ADCY3: variants seen among roughly 807,000 people sequenced by gnomAD.
ADCY3 encodes adenylate cyclase 3.
A neutral mutation model predicts 119.4 loss-of-function variants in ADCY3; 70 were observed. The observed-to-expected ratio is 0.59, with a 90% CI of 0.48 to 0.72. The LOEUF (loss-of-function observed/expected upper bound fraction) is 0.72, where lower values mean the gene tolerates loss of function less well. Among genes scored for constraint, ADCY3 ranks in the 30% least tolerant of loss-of-function variants. The pLI is 0.00. For missense variants in ADCY3, 1,238 were observed against 1,541.6 expected (o/e 0.80, Z 3.30); for synonymous variants, 672 against 621.4 (o/e 1.08, Z -1.21).
At chr2:24,868,755 G>A (rs1016846968) in intron 3 of ADCY3, among the ~76,000 whole-genome samples, 6 of 152,218 alleles carry the variant, frequency 3.9e-5, no homozygotes, top group Middle Eastern at 6.8e-3. Flanking sequence ...GGTGGCTCAC[G>A]CCTGTAATCC....
Position 24,834,417 on chromosome 2 carries a change from G to GCCCCCTCCCCCCC in ADCY3, c.1967+67_1967+68insGGGGGGGAGGGGG. Reference sequence around the variant, plus strand: ...ATGTCAGGCTCCCGCTGAGACACCTGCCCCCGCCCCCCGCCCGGCACCACC... The same window carrying GCCCCCTCCCCCCC: ...ATGTCAGGCTCCCGCTGAGACACCTGCCCCCTCCCCCCCCCCCCGCCCCCCGCCCGGCACCACC... On this transcript the variant is annotated intron_variant, in intron 11 of 21. Transcript: ENST00000679454. This position sits in a 1 kb window ranked among gnomAD's most constrained non-coding sequence, Gnocchi z 4.2. 7.2e-7 allele frequency: 1 copy of GCCCCCTCCCCCCC among 1,395,358 alleles called. No homozygotes were observed. The highest frequency in any genetic ancestry group is 9.7e-7 in the Non-Finnish European group (1 of 1,029,080). 86.4% of individuals were successfully genotyped at this position (1,395,358 alleles called of 1,614,324 possible).
chr2:24,888,058 T>C (rs1043773674), intron 2 of ADCY3, among the ~76,000 whole-genome samples: 2 of 152,226 alleles, frequency 1.3e-5, no homozygotes, highest in Admixed American at 1.3e-4. Flanking sequence ...GTGCTGACAT[T>C]CTAAGGCTCC....
intron 19 of ADCY3, 38 bp from the exon 20 acceptor site, chr2:24,821,678 C>T: frequency 6.2e-7 from 1 of 1,609,186 alleles, no homozygotes; most frequent in African/African-American, 1.3e-5. Flanking sequence ...TCAGGGGCCG[C>T]TCACTGCAGC....
chr2:24,844,608 A>G (rs1671457921), intron 3 of ADCY3, among the ~76,000 whole-genome samples: 1 of 152,200 alleles, frequency 6.6e-6, no homozygotes, highest in Non-Finnish European at 1.5e-5. Flanking sequence ...AGGTCCCCAG[A>G]GTCTGCTGTT....
Position 24,841,459 on chromosome 2 carries a change from A to C in ADCY3, c.1069-73T>G. On this transcript the variant is annotated intron_variant, in intron 5 of 21. Transcript: ENST00000679454. This position sits in a 1 kb window ranked among gnomAD's most constrained non-coding sequence, Gnocchi z 5.8. ...GAGGAGTGGCCAAGAAAGCAGAGGA[A>C]GGACAGTGGGAGAAAATCATGGGGC... The C allele has an allele frequency of 1.3e-6, 2 of 1,594,154 alleles. No individual in the cohort carries two copies. Among genetic ancestry groups the C allele is most frequent in the Non-Finnish European group, 1.7e-6 (2 of 1,168,646 alleles).
chr2:24,886,732 C>T (rs1479185558), intron 2 of ADCY3, among the ~76,000 whole-genome samples: 7 of 152,250 alleles, frequency 4.6e-5, no homozygotes, highest in Admixed American at 3.3e-4. Flanking sequence ...GAGCTGGTTC[C>T]GGGCGATGCC....
chr2:24,821,493 G>A (rs920321256), intron 20 of ADCY3, 24 bp downstream of exon 20: 1 of 1,612,568 alleles, frequency 6.2e-7, no homozygotes, highest in South Asian at 1.1e-5. Flanking sequence ...CCTGCTGCGG[G>A]GCAGGCCAGC....
chr2:24,819,969 G>C lies in ADCY3; in HGVS notation c.3398C>G (p.Ser1133Cys), dbSNP rs779807680. 6.2e-6 allele frequency: 10 copies of C among 1,613,814 alleles called. No homozygotes were observed. Among genetic ancestry groups the C allele is most frequent in the African/African-American group, 5.3e-5 (4 of 74,906 alleles). The change falls in exon 22 of 22, where the codon TCT (serine) becomes TGT (cysteine). Residue 1133 changes from serine to cysteine, a missense_variant. Physicochemically the swap from Ser to Cys is moderately radical, Grantham distance 112 (BLOSUM62 -1). Around this residue, in one of 7 missense-constraint regions of ADCY3, gnomAD observed 86 missense variants for 70.7 expected, o/e 1.22. Transcript: ENST00000679454. ...DKLATFPNGP[S>C]VTLPHQVVDN... ...CACCACCTGGTGGGGCAGTGTGACA[G>C]AGGGGCCATTGGGGAAGGTGGCTAG...
chr2:24,830,951 GA>G, intron 12 of ADCY3, 126 bp from the exon 13 acceptor site: 6 of 729,726 alleles, frequency 8.2e-6, no homozygotes, highest in Non-Finnish European at 1.2e-5. Flanking sequence ...CTCTGCCTGG[GA>G]GTCACCTGAC....
rs750597549 is a variant in ADCY3 at position 24,822,493 on chromosome 2, G to T, written c.3003+18C>A. The T allele has an allele frequency of 6.2e-7, 1 of 1,611,438 alleles. No homozygotes were observed. The highest frequency in any genetic ancestry group is 1.1e-5 in the South Asian group (1 of 91,010). ...TTGGGGGCAGAGCCTCATCTCTCTG[G>T]CTACTGGGGTTAGCTACCTTGTTGG... On this transcript the variant is annotated intron_variant, in intron 19 of 21. Transcript: ENST00000679454.
intron 2 of ADCY3, among the ~76,000 whole-genome samples, chr2:24,916,033 C>G (rs1014195983): frequency 2.0e-5 from 3 of 152,244 alleles, no homozygotes; most frequent in Non-Finnish European, 4.4e-5. Flanking sequence ...CCAATCGGAC[C>G]TTGAGAGCTC....
At chr2:24,859,971 G>A (rs1673439887) in intron 3 of ADCY3, among the ~76,000 whole-genome samples, 1 of 152,214 alleles carries the variant, frequency 6.6e-6, no homozygotes, top group Admixed American at 6.5e-5. Flanking sequence ...TCCTGTCTGA[G>A]GGTGGGCACT....
chr2:24,851,775 G>C (rs1256420684), intron 3 of ADCY3, among the ~76,000 whole-genome samples: 1 of 152,150 alleles, frequency 6.6e-6, no homozygotes, highest in Non-Finnish European at 1.5e-5. Context: ...CCTCAGCAAA[G>C]GACCTTCAGG....
At chr2:24,820,531 T>C (rs1473755957) in intron 21 of ADCY3, 193 bp downstream of exon 21, 2 of 1,404,470 alleles carry the variant, frequency 1.4e-6, no homozygotes, top group Non-Finnish European at 1.9e-6. Context: ...CCAGATTTTG[T>C]GGATGGGTGG....
chr2:24,825,303 T>C (rs72792184), intron 16 of ADCY3, among the ~76,000 whole-genome samples: 5,551 of 145,172 alleles, frequency 0.038, 186 homozygotes, highest in East Asian at 0.16. Context: ...TCTCTTTTCC[T>C]TTTTTGTCCG....
At chr2:24,891,816 A>T (rs984989677) in intron 2 of ADCY3, among the ~76,000 whole-genome samples, 1 of 152,236 alleles carries the variant, frequency 6.6e-6, no homozygotes, top group South Asian at 2.1e-4. Flanking sequence ...ACCAACTGTT[A>T]TAACTGTTCT....
chr2:24,825,023 C>T (rs962897931), intron 16 of ADCY3, among the ~76,000 whole-genome samples: 5 of 152,178 alleles, frequency 3.3e-5, no homozygotes, highest in South Asian at 2.1e-4. Context: ...AATAGTGGTG[C>T]GGTTCCCAGC....
intron 21 of ADCY3, 110 bp downstream of exon 21, chr2:24,820,614 G>GACTT: frequency 2.6e-6 from 4 of 1,538,024 alleles, no homozygotes; most frequent in Non-Finnish European, 2.6e-6. Flanking sequence ...TCTGCCTCTG[G>GACTT]ACTTACTGTT....
At position 24,841,108 on chromosome 2, in the gene ADCY3, GCCACCCA is replaced by G; in HGVS notation, c.1196+144_1196+150del. 1.1e-6 allele frequency: 1 copy of G among 919,564 alleles called. No individual in the cohort carries two copies. The highest frequency in any genetic ancestry group is 2.1e-5 in the South Asian group (1 of 47,034). 57.0% of individuals were successfully genotyped at this position (919,564 alleles called of 1,614,324 possible). ...CCCAGCTTCTAGAGCGGGAGCCTGC[GCCACCCA>G]TCAACCAGTGCTGTGTCCCAGTCTC... On this transcript the variant is annotated intron_variant, in intron 6 of 21. Coordinates refer to ENST00000679454, the MANE Select transcript of ADCY3 (RefSeq NM_004036.5). This position sits in a 1 kb window ranked among gnomAD's most constrained non-coding sequence, Gnocchi z 5.8.
Sources: gnomAD v4.1 joint callset for allele counts (sites outside exome capture counted in the v4.1 genomes callset) on GRCh38, gnomAD v4.1.1 for gene constraint, gnomAD v4.1.1 regional missense constraint, Gnocchi (gnomAD v3.1) non-coding constraint, MANE v1.5 for transcripts, NCBI Gene and HGNC (gene_info 2026-07-23, HGNC 2026-07-21) for gene names.